DPYSL5: variants seen among roughly 807,000 people sequenced by gnomAD.
DPYSL5 encodes the protein dihydropyrimidinase like 5.
A neutral mutation model predicts 58.4 loss-of-function variants in DPYSL5; 9 were observed. That is an observed-to-expected ratio of 0.15 (90% CI 0.09 to 0.27). The LOEUF (loss-of-function observed/expected upper bound fraction) is 0.27. Among genes scored for constraint, DPYSL5 ranks in the 10% least tolerant of loss-of-function variants. The pLI is 1.00. For missense variants in DPYSL5, 499 were observed against 770.6 expected (o/e 0.65, Z 4.17); for synonymous variants, 293 against 301.9 (o/e 0.97, Z 0.31).
chr2:26,920,027 T>A (rs1173482945), intron 2 of DPYSL5, among the ~76,000 whole-genome samples: 1 of 152,228 alleles, frequency 6.6e-6, no homozygotes, highest in Non-Finnish European at 1.5e-5. Flanking sequence ...ATAATTTTTT[T>A]AATTGTATAA....
intron 1 of DPYSL5, among the ~76,000 whole-genome samples, chr2:26,856,481 T>G (rs1314952575): frequency 6.6e-6 from 1 of 152,240 alleles, no homozygotes; most frequent in Non-Finnish European, 1.5e-5. Flanking sequence ...TTGCTTATTT[T>G]TTTCATTGCT....
rs775215655 is a variant in DPYSL5, at chr2:26,932,212, G to GAAAAGA, written c.714+531_714+532insAGAAAA. ...GAAAGAAAGAAAGAAAGAAAGAAAA[G>GAAAAGA]AAAGAAAGAAAGAAAGAAAGAAAAC... On this transcript the variant is annotated intron_variant, in intron 6 of 12. Coordinates refer to ENST00000288699, the MANE Select transcript of DPYSL5 (RefSeq NM_020134.4). Among the ~76,000 whole-genome samples, 440 of 58,422 alleles carry GAAAAGA rather than the reference G, an allele frequency of 7.5e-3. 11 individuals carry two copies. The highest frequency in any genetic ancestry group is 0.019 in the Middle Eastern group (2 of 108). The allele number at this position is 58,422 out of a possible 152,430, so 38.3% of individuals were successfully genotyped here.
chr2:26,867,443 GTTT>G (rs982589815), intron 1 of DPYSL5, among the ~76,000 whole-genome samples: 9 of 136,418 alleles, frequency 6.6e-5, no homozygotes, highest in African/African-American at 2.4e-4. Flanking sequence ...CCAATTGTTT[GTTT>G]TTTTTTTTGT....
At chr2:26,864,819 C>T (rs900709514) in intron 1 of DPYSL5, among the ~76,000 whole-genome samples, 14 of 152,062 alleles carry the variant, frequency 9.2e-5, no homozygotes, top group Admixed American at 2.0e-4. Context: ...CCAAGGTGGC[C>T]GGGGTCAACT....
intron 1 of DPYSL5, among the ~76,000 whole-genome samples, chr2:26,882,423 G>T (rs936327042): frequency 1.6e-5 from 2 of 125,338 alleles, no homozygotes; most frequent in Non-Finnish European, 3.4e-5. Context: ...TTGTGTGTGT[G>T]TGTGTCTGTG....
At chr2:26,919,238 T>A (rs1307014799) in intron 2 of DPYSL5, among the ~76,000 whole-genome samples, 1 of 152,186 alleles carries the variant, frequency 6.6e-6, no homozygotes, top group Non-Finnish European at 1.5e-5. Flanking sequence ...TCTGATGAAC[T>A]TCTGAAGTAT....
chr2:26,947,055 G>A lies in DPYSL5; in HGVS notation c.*60G>A. 6.9e-7 allele frequency: 1 copy of A among 1,441,490 alleles called. No homozygotes were observed. The highest frequency in any genetic ancestry group is 9.6e-7 in the Non-Finnish European group (1 of 1,038,576). The allele number at this position is 1,441,490 out of a possible 1,614,324, so 89.3% of individuals were successfully genotyped here. A position where few individuals can be genotyped will look rare whatever the true frequency, so the allele number is the denominator to read the frequency against. On this transcript the variant is annotated 3_prime_UTR_variant, in exon 13 of 13. Coordinates refer to ENST00000288699, the MANE Select transcript of DPYSL5 (RefSeq NM_020134.4). The surrounding 1 kb of genome is among the most constrained non-coding windows in gnomAD (Gnocchi z 4.2). The stretch of plus-strand genomic sequence containing the variant: ...GCCGCCACCAGCCCGCAACTCTCCA[G>A]CCGAAGCTGCAGGGGCAGGAGAGGC...
intron 1 of DPYSL5, among the ~76,000 whole-genome samples, chr2:26,879,460 GAA>G (rs748100269): frequency 1.7e-3 from 125 of 74,376 alleles, no homozygotes; most frequent in East Asian, 3.3e-3. Flanking sequence ...ATCTCTATTT[GAA>G]AAAAAAAAAA....
At chr2:26,900,119 A>AC (rs1462802666) in intron 2 of DPYSL5, among the ~76,000 whole-genome samples, 2 of 152,240 alleles carry the variant, frequency 1.3e-5, no homozygotes, top group African/African-American at 4.8e-5. Context: ...ACACAGAATT[A>AC]CCCCATTGAA....
intron 1 of DPYSL5, among the ~76,000 whole-genome samples, chr2:26,893,107 C>T (rs1277140265): frequency 1.3e-5 from 2 of 152,202 alleles, no homozygotes; most frequent in African/African-American, 2.4e-5. Flanking sequence ...AGCAGATGTT[C>T]CTGGAGTACA....
chr2:26,909,514 C>G (rs1664378489), intron 2 of DPYSL5, among the ~76,000 whole-genome samples: 1 of 152,054 alleles, frequency 6.6e-6, no homozygotes, highest in African/African-American at 2.4e-5. Context: ...CGCCTGTAAT[C>G]CCAAAGCTTT....
Position 26,891,638 on chromosome 2 carries a change from GATTC to G in DPYSL5, c.-4-6857_-4-6854del, listed in dbSNP as rs1361902388. Among the ~76,000 whole-genome samples, 2 of 152,076 alleles carry G rather than the reference GATTC, an allele frequency of 1.3e-5. 1 individual carries two copies. Among genetic ancestry groups the G allele is most frequent in the Non-Finnish European group, 2.9e-5 (2 of 68,022 alleles). ...TGGGTCTGAATGAAGGGTCACGTTG[GATTC>G]CTTCTGGCTTCTTTTTAGTTAATAA... On this transcript the variant is annotated intron_variant, in intron 1 of 12. Transcript: ENST00000288699.
intron 1 of DPYSL5, among the ~76,000 whole-genome samples, chr2:26,897,138 C>T (rs1051949167): frequency 1.3e-5 from 2 of 151,982 alleles, no homozygotes; most frequent in South Asian, 4.1e-4. Context: ...TTGTTTTTTC[C>T]TTTTCAATCT....
At chr2:26,850,102 TG>T (rs1665713725) in intron 1 of DPYSL5, among the ~76,000 whole-genome samples, 2 of 152,126 alleles carry the variant, frequency 1.3e-5, no homozygotes, top group Non-Finnish European at 2.9e-5. Flanking sequence ...CCGTAAGGGC[TG>T]GTGCGGATTG....
chr2:26,914,304 G>A (rs542413478), intron 2 of DPYSL5, among the ~76,000 whole-genome samples: 11 of 152,212 alleles, frequency 7.2e-5, no homozygotes, highest in South Asian at 4.1e-4. Context: ...GTACCCTTCC[G>A]GTAGATTCTC....
At chr2:26,931,203 GTATATATATATATATATA>G (rs373034710) in intron 5 of DPYSL5, among the ~76,000 whole-genome samples, 25 of 44,930 alleles carry the variant, frequency 5.6e-4, no homozygotes, top group African/African-American at 1.9e-3. Context: ...GTGTGTGTGT[GTATATATATATATATATA>G]TATATATATG....
At chr2:26,922,790 G>A (rs541915017) in intron 2 of DPYSL5, among the ~76,000 whole-genome samples, 6 of 152,316 alleles carry the variant, frequency 3.9e-5, no homozygotes, top group South Asian at 4.1e-4. Flanking sequence ...CAGCAAAATC[G>A]GAAATAGAAG....
chr2:26,904,592 A>G (rs1471476305), intron 2 of DPYSL5, among the ~76,000 whole-genome samples: 1 of 152,140 alleles, frequency 6.6e-6, no homozygotes, highest in African/African-American at 2.4e-5. Context: ...CCACCCATTG[A>G]TAGGAGACCC....
intron 2 of DPYSL5, among the ~76,000 whole-genome samples, chr2:26,922,588 T>C (rs1664730923): frequency 6.6e-6 from 1 of 152,196 alleles, no homozygotes; most frequent in East Asian, 1.9e-4. Context: ...AGGTTCCTCT[T>C]TTCCTATCCA....
Sources: allele counts gnomAD v4.1 joint callset (sites outside exome capture counted in the v4.1 genomes callset), GRCh38; gene constraint gnomAD v4.1.1; non-coding constraint Gnocchi (gnomAD v3.1); transcripts MANE v1.5; gene names NCBI Gene and HGNC (gene_info 2026-07-23, HGNC 2026-07-21).